The following RBFOX3 variants were observed in gnomAD, a reference collection of about 807,000 sequenced individuals.
RBFOX3 encodes RNA binding fox-1 homolog 3.
In RBFOX3, 17 loss-of-function variants were observed where a neutral mutation model predicts 48.7. The ratio of observed to expected loss-of-function variants is 0.35; its 90% CI spans 0.24 to 0.52. RBFOX3 has a LOEUF of 0.52. Ranked by LOEUF, RBFOX3 falls within the 20% of genes least tolerant of loss-of-function variation. The probability of loss-of-function intolerance (pLI) is 0.94; values close to 1 mark genes in which losing one functional copy is unlikely to be tolerated. For missense variants in RBFOX3, 382 were observed against 497.5 expected, an observed-to-expected ratio of 0.77 and a Z score of 2.21; for synonymous variants, 212 against 209.5, an observed-to-expected ratio of 1.01 and a Z score of -0.10.
At chr17:79,539,181 G>A (rs141836961) in intron 1 of RBFOX3, among the ~76,000 whole-genome samples, 1 of 152,140 alleles carries the variant, frequency 6.6e-6, no homozygotes, top group Non-Finnish European at 1.5e-5. Flanking sequence ...GCAAAAACCT[G>A]TTTCTACAAA....
intron 2 of RBFOX3, among the ~76,000 whole-genome samples, chr17:79,358,603 G>A (rs752590166): frequency 9.2e-5 from 14 of 152,128 alleles, no homozygotes; most frequent in Non-Finnish European, 1.3e-4. Context: ...TGGGATTACA[G>A]GTGTGCACCA....
intron 1 of RBFOX3, among the ~76,000 whole-genome samples, chr17:79,506,571 T>C (rs1221972613): frequency 2.0e-5 from 3 of 152,094 alleles, no homozygotes; most frequent in Admixed American, 6.5e-5. Context: ...ACAGAGCCTC[T>C]CAGGCCATGA....
At chr17:79,634,864 A>G in the RBFOX3 span, among the ~76,000 whole-genome samples, 2 of 151,950 alleles carry the variant, frequency 1.3e-5, no homozygotes, top group African/African-American at 4.8e-5. Flanking sequence ...GTTCGAGACC[A>G]CCCTGGCCAA....
At chr17:79,546,455 C>G (rs1364532331) in intron 1 of RBFOX3, among the ~76,000 whole-genome samples, 1 of 152,096 alleles carries the variant, frequency 6.6e-6, no homozygotes, top group Non-Finnish European at 1.5e-5. Context: ...TTCCAGCACC[C>G]CAAAGAGCAA....
chr17:79,493,887 G>T (rs972109228), intron 1 of RBFOX3, among the ~76,000 whole-genome samples: 122 of 152,244 alleles, frequency 8.0e-4, no homozygotes, highest in African/African-American at 2.9e-3. Context: ...GGGCTCCTTG[G>T]CTCTGGAGGA....
At chr17:79,523,899 G>A (rs1461276916) in intron 1 of RBFOX3, among the ~76,000 whole-genome samples, 6 of 152,156 alleles carry the variant, frequency 3.9e-5, no homozygotes, top group Non-Finnish European at 7.3e-5. Flanking sequence ...TCTCCACACC[G>A]TGTATCTCAG....
chr17:79,630,782 G>A, the RBFOX3 span, among the ~76,000 whole-genome samples: 140 of 152,230 alleles, frequency 9.2e-4, no homozygotes, highest in African/African-American at 1.2e-3. Flanking sequence ...GTATTTTCTC[G>A]TTTAACCCTC....
At chr17:79,586,157 G>C (rs947331389) in intron 1 of RBFOX3, among the ~76,000 whole-genome samples, 18 of 152,306 alleles carry the variant, frequency 1.2e-4, no homozygotes, top group African/African-American at 2.9e-4. Flanking sequence ...TTGAATCAGG[G>C]CTGGCCTCCA....
At chr17:79,110,121 TC>T (rs2030402250) in intron 5 of RBFOX3, among the ~76,000 whole-genome samples, 1 of 107,240 alleles carries the variant, frequency 9.3e-6, no homozygotes, top group Non-Finnish European at 1.9e-5. Context: ...GGGCTTTCTT[TC>T]CCCCACTCAA....
chr17:79,620,034 C>A, the RBFOX3 span, among the ~76,000 whole-genome samples: 2 of 151,700 alleles, frequency 1.3e-5, no homozygotes, highest in Non-Finnish European at 2.9e-5. Context: ...TGCACACATG[C>A]ATATGCACAC....
intron 2 of RBFOX3, among the ~76,000 whole-genome samples, chr17:79,427,941 C>T (rs2067689647): frequency 1.3e-5 from 2 of 152,366 alleles, no homozygotes; most frequent in East Asian, 1.9e-4. Flanking sequence ...CCCGTGCTCC[C>T]AGCAGATGGA....
At chr17:79,340,271 C>T (rs1158643323) in intron 2 of RBFOX3, among the ~76,000 whole-genome samples, 2 of 146,300 alleles carry the variant, frequency 1.4e-5, no homozygotes, top group African/African-American at 5.0e-5. Flanking sequence ...TGCACTCCAG[C>T]CTGGGCAATA....
intron 2 of RBFOX3, among the ~76,000 whole-genome samples, chr17:79,455,411 A>G (rs938261442): frequency 1.3e-5 from 2 of 152,146 alleles, no homozygotes; most frequent in Non-Finnish European, 2.9e-5. Context: ...GTGTTAACTG[A>G]AGGTGGGAAT....
At chr17:79,160,677 T>C (rs892693246) in intron 4 of RBFOX3, among the ~76,000 whole-genome samples, 7 of 152,270 alleles carry the variant, frequency 4.6e-5, no homozygotes, top group African/African-American at 1.7e-4. Context: ...CATTCATTCA[T>C]TTTTTTCTTA....
At chr17:79,512,583 T>C (rs1305813334) in intron 1 of RBFOX3, among the ~76,000 whole-genome samples, 2 of 149,148 alleles carry the variant, frequency 1.3e-5, no homozygotes, top group African/African-American at 5.0e-5. Context: ...AGATACATGT[T>C]ACCATCGGGT....
At chr17:79,162,607 G>A (rs1361651551) in intron 4 of RBFOX3, among the ~76,000 whole-genome samples, 1 of 152,252 alleles carries the variant, frequency 6.6e-6, no homozygotes, top group African/African-American at 2.4e-5. Context: ...ATAATAAAAT[G>A]GAATTTGTAA....
chr17:79,146,419 G>A (rs867560143), intron 4 of RBFOX3, among the ~76,000 whole-genome samples: 2 of 152,214 alleles, frequency 1.3e-5, no homozygotes, highest in South Asian at 2.1e-4. Flanking sequence ...CTGCAAGAGG[G>A]TACGTGACTC....
At chr17:79,104,040 C>T (rs1029366573) in intron 7 of RBFOX3, 33 bp downstream of exon 7, 2 of 1,529,316 alleles carry the variant, frequency 1.3e-6, no homozygotes, top group Non-Finnish European at 1.8e-6. Flanking sequence ...CTACAGCCGG[C>T]GCTGTAAGGC....
At chr17:79,662,612 T>C in the RBFOX3 span, among the ~76,000 whole-genome samples, 1 of 152,190 alleles carries the variant, frequency 6.6e-6, no homozygotes, top group African/African-American at 2.4e-5. Flanking sequence ...TGTCTGTCCT[T>C]GTATTAGAAT....
Sources: allele counts gnomAD v4.1 joint callset (sites outside exome capture counted in the v4.1 genomes callset), GRCh38; gene constraint gnomAD v4.1.1; transcripts MANE v1.5; gene names NCBI Gene and HGNC (gene_info 2026-07-23, HGNC 2026-07-21).